Variants in FAM228B observed in about 807,000 individuals in gnomAD.
The protein encoded by FAM228B is protein FAM228B.
Under a neutral mutation model 42.6 loss-of-function variants are expected in FAM228B, and 38 were observed. The ratio of observed to expected loss-of-function variants is 0.89; its 90% CI spans 0.69 to 1.17. The LOEUF is 1.17. FAM228B is among the 50% of genes most tolerant of loss of function. The pLI, the probability that FAM228B is intolerant of heterozygous loss-of-function variation, is 0.00. For synonymous variants in FAM228B, 109 were observed against 122.3 expected, an observed-to-expected ratio of 0.89 and a Z score of 0.72; for missense variants, 344 against 367.3, an observed-to-expected ratio of 0.94 and a Z score of 0.52.
intron 7 of FAM228B, among the ~76,000 whole-genome samples, chr2:24,159,260 C>T (rs879134755): frequency 1.4e-4 from 22 of 152,190 alleles, no homozygotes; most frequent in Admixed American, 9.2e-4. Flanking sequence ...CGTAATTCAT[C>T]CTATAACATT....
intron 3 of FAM228B, among the ~76,000 whole-genome samples, chr2:24,101,140 C>T (rs764082482): frequency 6.6e-6 from 1 of 152,100 alleles, no homozygotes; most frequent in Non-Finnish European, 1.5e-5. Flanking sequence ...GGAGGGATAG[C>T]ATTACAAGAA....
At chr2:24,097,567 C>T (rs568696768) in intron 3 of FAM228B, 20 of 151,954 alleles carry the variant, frequency 1.3e-4, no homozygotes, top group African/African-American at 4.1e-4. Flanking sequence ...GGGATCAATT[C>T]GCCAAGAAGA....
chr2:24,102,912 ATT>A (rs1665633523), intron 3 of FAM228B, among the ~76,000 whole-genome samples: 1 of 152,188 alleles, frequency 6.6e-6, no homozygotes, highest in South Asian at 2.1e-4. Flanking sequence ...TCATTTTTTA[ATT>A]CAATAATCAT....
intron 2 of FAM228B, among the ~76,000 whole-genome samples, chr2:24,081,896 C>T (rs894287071): frequency 3.3e-5 from 5 of 151,998 alleles, no homozygotes; most frequent in African/African-American, 4.8e-5. Flanking sequence ...GAAGTTTCAC[C>T]GTGTTAGCCA....
At chr2:24,143,787 A>G (rs1666822939) in intron 5 of FAM228B, among the ~76,000 whole-genome samples, 1 of 152,204 alleles carries the variant, frequency 6.6e-6, no homozygotes, top group African/African-American at 2.4e-5. Flanking sequence ...TTTCTAATAT[A>G]GTAAATATCA....
In FAM228B at chr2:24,080,322, G is replaced by C. The variant is rs113596230; in HGVS notation, c.-289-554G>C. On this transcript the variant is annotated intron_variant, in intron 1 of 10. Transcript: ENST00000613899. The surrounding 1 kb of genome is among the most constrained non-coding windows in gnomAD (Gnocchi z 4.7). ...GCGAGCCGAGATCAAGCCACTGCAC[G>C]CCATCCTCAGTGACAGAGTGAGACT... Among the ~76,000 whole-genome samples, 1 of 151,214 alleles carries C rather than the reference G, an allele frequency of 6.6e-6. No individual in the cohort carries two copies.
chr2:24,152,849 T>G (rs145745487), intron 7 of FAM228B, among the ~76,000 whole-genome samples: 27 of 152,284 alleles, frequency 1.8e-4, no homozygotes, highest in African/African-American at 6.5e-4. Context: ...AAAAAAAACC[T>G]TAGCAGTTTA....
chr2:24,096,547 A>G (rs543050182), intron 3 of FAM228B: 1 of 149,770 alleles, frequency 6.7e-6, no homozygotes, highest in East Asian at 1.9e-4. Flanking sequence ...TTGAAGATCA[A>G]ATTAATGAAA....
At chr2:24,151,942 C>T (rs562170396) in intron 7 of FAM228B, among the ~76,000 whole-genome samples, 11 of 152,234 alleles carry the variant, frequency 7.2e-5, no homozygotes, top group African/African-American at 2.4e-4. Context: ...GATCTCAGCT[C>T]ACTGCAACCT....
intron 3 of FAM228B, among the ~76,000 whole-genome samples, chr2:24,104,868 G>A (rs542077104): frequency 1.3e-5 from 2 of 152,130 alleles, no homozygotes; most frequent in African/African-American, 4.8e-5. Flanking sequence ...CAGCAGTCCT[G>A]CTTCTGTGTG....
At chr2:24,167,214 C>T (rs374906506) in intron 9 of FAM228B, among the ~76,000 whole-genome samples, 31 of 152,132 alleles carry the variant, frequency 2.0e-4, no homozygotes, top group African/African-American at 6.7e-4. Flanking sequence ...CAGGCTCCAG[C>T]GTGGGTGGAG....
intron 3 of FAM228B, among the ~76,000 whole-genome samples, chr2:24,105,016 A>C (rs1416962643): frequency 6.6e-6 from 1 of 152,212 alleles, no homozygotes; most frequent in African/African-American, 2.4e-5. Flanking sequence ...CTTCTACCTG[A>C]ATTTGTCAAG....
chr2:24,143,396 G>T (rs550657614), intron 5 of FAM228B, among the ~76,000 whole-genome samples: 3 of 152,022 alleles, frequency 2.0e-5, no homozygotes, highest in African/African-American at 4.8e-5. Flanking sequence ...GGGTTTCATC[G>T]TGTTAGCCAG....
intron 3 of FAM228B, among the ~76,000 whole-genome samples, chr2:24,135,658 T>C (rs987912717): frequency 6.6e-6 from 1 of 152,162 alleles, no homozygotes; most frequent in Non-Finnish European, 1.5e-5. Context: ...TAGAGCTCTT[T>C]AAAAAGGAAA....
At chr2:24,151,637 T>C (rs2151025731) in intron 7 of FAM228B, among the ~76,000 whole-genome samples, 1 of 149,356 alleles carries the variant, frequency 6.7e-6, no homozygotes, top group East Asian at 2.0e-4. Context: ...TTTAGCTCAT[T>C]AGCTATCATT....
chr2:24,155,815 C>T (rs1299550647), intron 7 of FAM228B, among the ~76,000 whole-genome samples: 3 of 152,084 alleles, frequency 2.0e-5, no homozygotes, highest in Non-Finnish European at 2.9e-5. Context: ...GCTGGGATTA[C>T]AGGCGTGAGC....
intron 3 of FAM228B, among the ~76,000 whole-genome samples, chr2:24,109,233 T>C (rs1460014154): frequency 4.2e-5 from 6 of 143,434 alleles, no homozygotes; most frequent in African/African-American, 1.3e-4. Context: ...CTAGAATAAA[T>C]GGCTAGCCAC....
At position 24,077,986 on chromosome 2, in the gene FAM228B, T is replaced by C. The variant is rs1367447250; in HGVS notation, c.-290+1017T>C. Among the ~76,000 whole-genome samples the C allele has an allele frequency of 1.3e-5, 2 of 152,152 alleles. No individual in the cohort carries two copies. The highest frequency in any genetic ancestry group is 2.4e-5 in the African/African-American group (1 of 41,428). On this transcript the variant is annotated intron_variant, in intron 1 of 10. Transcript: ENST00000613899. This position sits in a 1 kb window ranked among gnomAD's most constrained non-coding sequence, Gnocchi z 5.5. ...ATTGTTAATTTTGAGGTGAAAGCATTGGAGAAATTGTAGTTTCAGAAAAGG... is the reference window on the plus strand; with the variant it reads ...ATTGTTAATTTTGAGGTGAAAGCATCGGAGAAATTGTAGTTTCAGAAAAGG...
chr2:24,136,405 G>A (rs1229285347), intron 3 of FAM228B, among the ~76,000 whole-genome samples: 1 of 152,168 alleles, frequency 6.6e-6, no homozygotes, highest in Admixed American at 6.5e-5. Flanking sequence ...TGTATTTTTA[G>A]TAGAGACGTG....
Sources: allele counts gnomAD v4.1 joint callset (sites outside exome capture counted in the v4.1 genomes callset), GRCh38; gene constraint gnomAD v4.1.1; non-coding constraint Gnocchi (gnomAD v3.1); transcripts MANE v1.5; gene names NCBI Gene and HGNC (gene_info 2026-07-23, HGNC 2026-07-21).